CLINT1: variants seen among roughly 807,000 people sequenced by gnomAD.
The protein encoded by CLINT1 is clathrin interactor 1, also known as clathrin interacting protein localized in the trans-Golgi region.
In CLINT1, 15 loss-of-function variants were observed where a neutral mutation model predicts 70.4. The ratio of observed to expected loss-of-function variants is 0.21; its 90% CI spans 0.14 to 0.33. The LOEUF (loss-of-function observed/expected upper bound fraction) is 0.33, where lower values mean the gene tolerates loss of function less well. CLINT1 is among the 10% of genes least tolerant of loss of function. The probability of loss-of-function intolerance (pLI) is 1.00; values close to 1 mark genes in which losing one functional copy is unlikely to be tolerated. For synonymous variants in CLINT1, 227 were observed against 254.7 expected (o/e 0.89, Z 1.04); for missense variants, 615 against 778.1 (o/e 0.79, Z 2.49).
intron 11 of CLINT1, 149 bp from the exon 12 acceptor site, chr5:157,788,141 C>A: frequency 1.4e-6 from 1 of 705,444 alleles, no homozygotes; most frequent in Admixed American, 2.1e-5. Context: ...ATCAATTACT[C>A]TGCACTGGTT....
intron 6 of CLINT1, 127 bp downstream of exon 6, chr5:157,809,497 TAAAA>T: frequency 2.4e-5 from 12 of 500,556 alleles, no homozygotes; most frequent in South Asian, 1.2e-4. Context: ...TGAAGTCTAT[TAAAA>T]AAAAAAAAAA....
chr5:157,858,039 T>C (rs1753812042), intron 1 of CLINT1, among the ~76,000 whole-genome samples: 1 of 152,226 alleles, frequency 6.6e-6, no homozygotes, highest in Non-Finnish European at 1.5e-5. Flanking sequence ...TTAACCACTG[T>C]TATACCTGAT....
intron 11 of CLINT1, 176 bp from the exon 12 acceptor site, chr5:157,788,168 T>C (rs897809557): frequency 4.6e-6 from 3 of 655,388 alleles, no homozygotes; most frequent in Non-Finnish European, 8.1e-6. Flanking sequence ...GAGACATATA[T>C]TCAGTGACTA....
rs1241780647 is a variant in CLINT1, at chr5:157,785,930, T to C, written c.*1716A>G. ...ACAACACTTGAAAGCTCCTATTCTT[T>C]GAAACTAAGTTAAACACATTGAATT... On this transcript the variant is annotated 3_prime_UTR_variant, in exon 12 of 12. Transcript: ENST00000411809. 5 of 152,176 alleles carry C rather than the reference T, an allele frequency of 3.3e-5. No individual in the cohort carries two copies. Among genetic ancestry groups the C allele is most frequent in the African/African-American group, 9.7e-5 (4 of 41,448 alleles). 9.4% of individuals were successfully genotyped at this position (152,176 alleles called of 1,614,324 possible).
chr5:157,858,972 G>A lies in CLINT1; in HGVS notation c.-2C>T. ...GCGCACCTTCCACATGTTCAACATCGTGCCCCGCGCGGGACGGTCCGCCGC... is the reference window on the plus strand; with the variant it reads ...GCGCACCTTCCACATGTTCAACATCATGCCCCGCGCGGGACGGTCCGCCGC... On this transcript the variant is annotated 5_prime_UTR_variant, in exon 1 of 12. It adds an upstream start codon to the 5' untranslated region. Coordinates refer to ENST00000411809, the MANE Select transcript of CLINT1 (RefSeq NM_014666.4). 3 of 1,600,728 alleles carry A rather than the reference G, an allele frequency of 1.9e-6. No individual in the cohort carries two copies. The highest frequency in any genetic ancestry group is 2.6e-6 in the Non-Finnish European group (3 of 1,173,446).
At chr5:157,819,530 T>G (rs373205786) in intron 1 of CLINT1, among the ~76,000 whole-genome samples, 2 of 152,190 alleles carry the variant, frequency 1.3e-5, no homozygotes, top group East Asian at 3.8e-4. Flanking sequence ...CTCCTAATTT[T>G]ATCAACCATG....
chr5:157,806,310 C>T (rs1762382553), intron 6 of CLINT1, among the ~76,000 whole-genome samples, 198 bp from the exon 7 acceptor site: 1 of 152,024 alleles, frequency 6.6e-6, no homozygotes, highest in Non-Finnish European at 1.5e-5. Context: ...AGTGGAAACA[C>T]AGAGAATATC....
chr5:157,801,120 A>T (rs907641148), intron 8 of CLINT1, among the ~76,000 whole-genome samples: 3 of 152,246 alleles, frequency 2.0e-5, no homozygotes, highest in African/African-American at 7.2e-5. Flanking sequence ...AGCTGTCCGT[A>T]ACCTTGGGCA....
intron 8 of CLINT1, among the ~76,000 whole-genome samples, chr5:157,801,628 T>C (rs1762225041): frequency 6.6e-6 from 1 of 151,628 alleles, no homozygotes; most frequent in Admixed American, 6.6e-5. Flanking sequence ...AGGTCAGGAG[T>C]TCGAGACCAG....
chr5:157,796,494 C>G (rs926109450), intron 8 of CLINT1, among the ~76,000 whole-genome samples: 8 of 152,172 alleles, frequency 5.3e-5, no homozygotes, highest in African/African-American at 1.9e-4. Context: ...AAGTCTACAG[C>G]AGTTCAATGA....
At chr5:157,853,777 C>CAAAAAAAAAAAAA (rs11316474) in intron 1 of CLINT1, among the ~76,000 whole-genome samples, 2 of 48,048 alleles carry the variant, frequency 4.2e-5, no homozygotes, top group African/African-American at 1.5e-4. Context: ...GACACCATCT[C>CAAAAAAAAAAAAA]AAAAAAAAAA....
chr5:157,819,948 G>A (rs192283685), intron 1 of CLINT1, among the ~76,000 whole-genome samples: 1 of 152,342 alleles, frequency 6.6e-6, no homozygotes, highest in East Asian at 1.9e-4. Context: ...ATTCTTAGCT[G>A]AAGGCCTGTG....
chr5:157,817,568 C>T (rs766861703), intron 1 of CLINT1, 21 bp from the exon 2 acceptor site: 54 of 1,429,904 alleles, frequency 3.8e-5, no homozygotes, highest in Middle Eastern at 3.5e-4. Context: ...AAAAAATGCA[C>T]GCACACATGC....
At chr5:157,834,098 T>C (rs1168794002) in intron 1 of CLINT1, among the ~76,000 whole-genome samples, 2 of 151,942 alleles carry the variant, frequency 1.3e-5, no homozygotes, top group African/African-American at 4.8e-5. Context: ...TCCTAGCACT[T>C]TGGGAGGCCA....
At chr5:157,840,132 T>C (rs1279294579) in intron 1 of CLINT1, among the ~76,000 whole-genome samples, 4 of 133,408 alleles carry the variant, frequency 3.0e-5, no homozygotes, top group African/African-American at 1.2e-4. Context: ...AAGGCAGAGG[T>C]TGCAGTAAGC....
intron 4 of CLINT1, among the ~76,000 whole-genome samples, chr5:157,813,538 C>T (rs148304470): frequency 9.3e-4 from 142 of 152,260 alleles, no homozygotes; most frequent in African/African-American, 3.2e-3. Flanking sequence ...ACAAAATAGA[C>T]ATATCCATAA....
In CLINT1 at chr5:157,817,469, A is replaced by G. The variant is rs1286118570; in HGVS notation, c.120T>C (p.Ser40=). The change falls in exon 2 of 12, where the codon TCT becomes TCC. Residue 40 remains serine (S), a synonymous_variant. Coordinates refer to ENST00000411809, the MANE Select transcript of CLINT1 (RefSeq NM_014666.4). ...TGGCAATCTCTCCCATGAGTTGCCC[A>G]GAAGGTCCCCAAGGATCATCGTTCG... is the stretch of plus-strand genomic sequence containing the variant. ...EATNDDPWGP[S]GQLMGEIAKA... The G allele has an allele frequency of 6.2e-7, 1 of 1,603,154 alleles. No homozygotes were observed. The highest frequency in any genetic ancestry group is 8.5e-7 in the Non-Finnish European group (1 of 1,174,088).
chr5:157,820,521 T>C (rs1316709542), intron 1 of CLINT1, among the ~76,000 whole-genome samples: 1 of 152,208 alleles, frequency 6.6e-6, no homozygotes, highest in Non-Finnish European at 1.5e-5. Flanking sequence ...CAAGACAAAG[T>C]ATTTTAAGCT....
rs749352794 is a variant in CLINT1, at chr5:157,806,077, C to A, written c.731G>T (p.Arg244Ile). 53 of 1,613,966 alleles carry A rather than the reference C, an allele frequency of 3.3e-5. No individual in the cohort carries two copies. The highest frequency in any genetic ancestry group is 4.4e-5 in the Non-Finnish European group (52 of 1,179,872). Residue 244 changes from arginine (R) to isoleucine (I), a missense_variant, in exon 7 of 12, where the codon AGA (arginine) becomes ATA (isoleucine). Around this residue, in one of 2 missense-constraint regions of CLINT1, gnomAD observed 241 missense variants for 368.6 expected, o/e 0.65. Coordinates refer to ENST00000411809, the MANE Select transcript of CLINT1 (RefSeq NM_014666.4). The part of the protein sequence containing the change: ...SDEEKKARRG[R>I]SPKGEFKDEE... ...ATCTTTGAATTCACCTTTGGGAGAT[C>A]TGCCTCTTCTCGCTTTCTTTTCCTC...
Sources: allele counts gnomAD v4.1 joint callset (sites outside exome capture counted in the v4.1 genomes callset), GRCh38; gene constraint gnomAD v4.1.1; regional missense constraint gnomAD v4.1.1; transcripts MANE v1.5; gene names NCBI Gene and HGNC (gene_info 2026-07-23, HGNC 2026-07-21).